Variants in PKHD1L1 observed in about 807,000 individuals in gnomAD.
PKHD1L1 encodes fibrocystin-L.
PKHD1L1 carries 434 observed loss-of-function variants against 462.9 expected under a neutral mutation model. The ratio of observed to expected loss-of-function variants is 0.94; its 90% CI spans 0.87 to 1.02. The LOEUF is 1.02. PKHD1L1 is among the 50% of genes least tolerant of loss of function. PKHD1L1 has a pLI of 0.00. For synonymous variants in PKHD1L1, 1,781 were observed against 1,750.0 expected (o/e 1.02, Z -0.44); for missense variants, 5,202 against 5,096.1 (o/e 1.02, Z -0.63).
intron 73 of PKHD1L1, among the ~76,000 whole-genome samples, chr8:109,520,124 G>C (rs1039156759): frequency 6.6e-6 from 1 of 151,802 alleles, no homozygotes; most frequent in African/African-American, 2.4e-5. Context: ...TAAACTCTTG[G>C]TTAGAAGAGC....
At chr8:109,527,966 G>T (rs999297082) in intron 77 of PKHD1L1, among the ~76,000 whole-genome samples, 2 of 152,128 alleles carry the variant, frequency 1.3e-5, no homozygotes, top group Non-Finnish European at 2.9e-5. Flanking sequence ...AGCTTGGCCT[G>T]GTCACATGGG....
At chr8:109,454,101 A>G (rs1366331316) in intron 43 of PKHD1L1, 66 bp from the exon 44 acceptor site, 1 of 891,632 alleles carries the variant, frequency 1.1e-6, no homozygotes, top group African/African-American at 1.7e-5. Flanking sequence ...TGTAATGAAT[A>G]ATTTAATAGG....
chr8:109,457,913 C>T (rs1252230433), intron 46 of PKHD1L1, among the ~76,000 whole-genome samples: 2 of 152,066 alleles, frequency 1.3e-5, no homozygotes, highest in Non-Finnish European at 2.9e-5. Context: ...TCTTGTACCA[C>T]TGGTTCGCCC....
intron 34 of PKHD1L1, 129 bp downstream of exon 34, chr8:109,441,508 A>G: frequency 1.5e-6 from 1 of 657,890 alleles, no homozygotes; most frequent in Non-Finnish European, 2.5e-6. Context: ...ATTTGTCAGC[A>G]GTAACTGCTT....
chr8:109,426,770 A>G (rs968426616), intron 24 of PKHD1L1, among the ~76,000 whole-genome samples: 3 of 152,118 alleles, frequency 2.0e-5, no homozygotes, highest in Non-Finnish European at 4.4e-5. Flanking sequence ...CTCCTGCCTC[A>G]GCCTCCCGAG....
In PKHD1L1 at chr8:109,408,349, A is replaced by G. The variant is rs1378174681; in HGVS notation, c.1971+143A>G. 10 of 745,162 alleles carry G rather than the reference A, an allele frequency of 1.3e-5. No homozygotes were observed. In the East Asian group the frequency reaches 2.7e-4, roughly 20 times the overall value. The allele number at this position is 745,162 out of a possible 1,614,324, so 46.2% of individuals were successfully genotyped here. A position where few individuals can be genotyped will look rare whatever the true frequency, so the allele number is the denominator to read the frequency against. On this transcript the variant is annotated intron_variant, in intron 18 of 77. Coordinates refer to ENST00000378402, the MANE Select transcript of PKHD1L1 (RefSeq NM_177531.6). ...TTTATCACCTGATCAACTCACCACAATTTATATACTGTGATACTTTTATCT... is the reference window on the plus strand; with the variant it reads ...TTTATCACCTGATCAACTCACCACAGTTTATATACTGTGATACTTTTATCT...
chr8:109,479,486 T>A lies in PKHD1L1; in HGVS notation c.9090-65T>A, dbSNP rs538373094. The stretch of plus-strand genomic sequence containing the variant: ...TTATGGGGAAATGGAACGGTTTACA[T>A]TTTAGACAAAATTAGGGAATATCAC... On this transcript the variant is annotated intron_variant, in intron 53 of 77. Coordinates refer to ENST00000378402, the MANE Select transcript of PKHD1L1 (RefSeq NM_177531.6). 13 of 1,110,340 alleles carry A rather than the reference T, an allele frequency of 1.2e-5. No individual in the cohort carries two copies. In the African/African-American group the frequency reaches 2.0e-4, roughly 17 times the overall value. The allele number at this position is 1,110,340 out of a possible 1,614,324, so 68.8% of individuals were successfully genotyped here.
chr8:109,395,952 G>T, intron 10 of PKHD1L1, 75 bp from the exon 11 acceptor site: 1 of 1,039,760 alleles, frequency 9.6e-7, no homozygotes. Context: ...AGGTAATTTG[G>T]AATTTTTAAA....
chr8:109,440,045 C>A (rs530165748), intron 32 of PKHD1L1, among the ~76,000 whole-genome samples: 1 of 152,158 alleles, frequency 6.6e-6, no homozygotes, highest in East Asian at 1.9e-4. Context: ...TAAGAAATAA[C>A]AAGGTTATGC....
chr8:109,394,784 A>T (rs1045202866), intron 10 of PKHD1L1, among the ~76,000 whole-genome samples: 2 of 152,168 alleles, frequency 1.3e-5, no homozygotes, highest in Non-Finnish European at 2.9e-5. Context: ...GAGGGAAAAA[A>T]TCTCCACTGT....
At chr8:109,500,755 A>G (rs1819370103) in intron 67 of PKHD1L1, among the ~76,000 whole-genome samples, 1 of 151,422 alleles carries the variant, frequency 6.6e-6, no homozygotes, top group Non-Finnish European at 1.5e-5. Context: ...CCATTTTACA[A>G]CTAACAGTGG....
chr8:109,441,165 T>C (rs1815766856), intron 33 of PKHD1L1, 110 bp from the exon 34 acceptor site: 3 of 761,952 alleles, frequency 3.9e-6, no homozygotes, highest in African/African-American at 1.8e-5. Context: ...AGGCAGAGTT[T>C]TTTTTAGGGT....
At chr8:109,525,147 T>C (rs1820753811) in intron 76 of PKHD1L1, among the ~76,000 whole-genome samples, 1 of 152,186 alleles carries the variant, frequency 6.6e-6, no homozygotes, top group South Asian at 2.1e-4. Flanking sequence ...ATCCCCTTGC[T>C]GATCAGACTG....
intron 2 of PKHD1L1, among the ~76,000 whole-genome samples, chr8:109,376,196 A>G (rs1811815423): frequency 6.6e-6 from 1 of 152,218 alleles, no homozygotes; most frequent in Non-Finnish European, 1.5e-5. Flanking sequence ...AAGCTTGGGC[A>G]TTGGTGGGTG....
chr8:109,404,467 G>T (rs763313587), intron 14 of PKHD1L1, 87 bp from the exon 15 acceptor site: 25 of 747,520 alleles, frequency 3.3e-5, no homozygotes, highest in Non-Finnish European at 4.8e-5. Context: ...AGGCTTTTAA[G>T]ATAATATTGA....
At chr8:109,373,183 C>A (rs982186598) in intron 2 of PKHD1L1, among the ~76,000 whole-genome samples, 1 of 152,078 alleles carries the variant, frequency 6.6e-6, no homozygotes, top group African/African-American at 2.4e-5. Flanking sequence ...AATTTCAGAG[C>A]CTGTTATTGG....
At chr8:109,491,150 C>A in intron 61 of PKHD1L1, 49 bp downstream of exon 61, 2 of 1,551,806 alleles carry the variant, frequency 1.3e-6, no homozygotes, top group East Asian at 4.6e-5. Flanking sequence ...TGGAGGCTTT[C>A]TTATCTATAT....
At chr8:109,486,586 G>T in intron 58 of PKHD1L1, 62 bp from the exon 59 acceptor site, 1 of 1,478,100 alleles carries the variant, frequency 6.8e-7, no homozygotes, top group East Asian at 2.4e-5. Flanking sequence ...AAACTGCAAA[G>T]GAACTAGTAA....
In PKHD1L1 at chr8:109,486,810, T is replaced by C. The variant is rs1007970423; in HGVS notation, c.9869T>C (p.Met3290Thr). Residue 3290 changes from methionine to threonine, a missense_variant, in exon 59 of 78, where the codon ATG (methionine) becomes ACG (threonine). Coordinates refer to ENST00000378402, the MANE Select transcript of PKHD1L1 (RefSeq NM_177531.6). ...GTTGGCTCATTCACTGAAAATATGA[T>C]GACATTTAAAGGTTGGTATCAATTC... ...VLVGSFTENM[M>T]TFKGNARISN... 5.0e-6 allele frequency: 8 copies of C among 1,611,530 alleles called. No individual in the cohort carries two copies. Among genetic ancestry groups the C allele is most frequent in the Non-Finnish European group, 6.8e-6 (8 of 1,178,372 alleles).
Sources: gnomAD v4.1 joint callset for allele counts (sites outside exome capture counted in the v4.1 genomes callset) on GRCh38, gnomAD v4.1.1 for gene constraint, MANE v1.5 for transcripts, NCBI Gene and HGNC (gene_info 2026-07-23, HGNC 2026-07-21) for gene names.